INTS4: variants seen among roughly 807,000 people sequenced by gnomAD.
The protein encoded by INTS4 is MSTP093.
A neutral mutation model predicts 119.5 loss-of-function variants in INTS4; 70 were observed. That is an observed-to-expected ratio of 0.59 (90% CI 0.48 to 0.71). INTS4 has a LOEUF of 0.71. Among genes scored for constraint, INTS4 ranks in the 30% least tolerant of loss-of-function variants. The probability of loss-of-function intolerance (pLI) is 0.00; values close to 1 mark genes in which losing one functional copy is unlikely to be tolerated. For synonymous variants in INTS4, 316 were observed against 419.6 expected (o/e 0.75, Z 3.02); for missense variants, 867 against 1,173.2 (o/e 0.74, Z 3.81).
chr11:77,990,061 C>CA (rs1165815380), intron 2 of INTS4, among the ~76,000 whole-genome samples: 2 of 151,024 alleles, frequency 1.3e-5, no homozygotes, highest in South Asian at 2.1e-4. Flanking sequence ...ACTAAAAATA[C>CA]AAAAAAAATT....
chr11:77,972,121 A>T (rs1244333173), intron 4 of INTS4, among the ~76,000 whole-genome samples: 2 of 152,196 alleles, frequency 1.3e-5, no homozygotes, highest in African/African-American at 2.4e-5. Flanking sequence ...TGTTAGAGAC[A>T]GGGTCTTACT....
Position 77,895,784 on chromosome 11 carries a change from A to G in INTS4, c.2229-1435T>C, listed in dbSNP as rs1952491613. On this transcript the variant is annotated intron_variant, in intron 18 of 22. Coordinates refer to ENST00000534064, the MANE Select transcript of INTS4 (RefSeq NM_033547.4). ...AGAGACTCCAGGAAGTAAAATACAAAAAGATTTGGGAACTCTCCCCAAACG... is the reference window on the plus strand; with the variant it reads ...AGAGACTCCAGGAAGTAAAATACAAGAAGATTTGGGAACTCTCCCCAAACG... Among the ~76,000 whole-genome samples, 3 of 152,106 alleles carry G rather than the reference A, an allele frequency of 2.0e-5. No homozygotes were observed. In the South Asian group the frequency reaches 6.2e-4, roughly 32 times the overall value.
chr11:77,875,418 A>G (rs1017995478), downstream of INTS4, among the ~76,000 whole-genome samples: 2 of 152,232 alleles, frequency 1.3e-5, no homozygotes, highest in East Asian at 1.9e-4. Context: ...GTAGTTACCA[A>G]GGTTTTTTAA....
At chr11:77,966,858 T>A (rs1373998862) in intron 4 of INTS4, among the ~76,000 whole-genome samples, 21 of 152,216 alleles carry the variant, frequency 1.4e-4, no homozygotes, top group Non-Finnish European at 7.3e-5. Context: ...AATCTGCAGA[T>A]CATTTTGGGT....
At chr11:77,926,498 G>A (rs1953503370) in intron 11 of INTS4, among the ~76,000 whole-genome samples, 1 of 152,074 alleles carries the variant, frequency 6.6e-6, no homozygotes, top group Admixed American at 6.6e-5. Flanking sequence ...ACTGCTGCAA[G>A]ACATTGGTAA....
At chr11:77,973,243 T>C (rs2136622088) in intron 4 of INTS4, among the ~76,000 whole-genome samples, 1 of 152,382 alleles carries the variant, frequency 6.6e-6, no homozygotes, top group East Asian at 1.9e-4. Flanking sequence ...TTATATTTTG[T>C]ATGCTGATTT....
chr11:77,902,920 G>A (rs1010825041), intron 17 of INTS4, among the ~76,000 whole-genome samples: 8 of 152,116 alleles, frequency 5.3e-5, no homozygotes, highest in African/African-American at 1.9e-4. Context: ...AACTGAGTTG[G>A]GCTACATTTT....
intron 3 of INTS4, among the ~76,000 whole-genome samples, chr11:77,979,626 T>C (rs1264669428): frequency 4.0e-5 from 6 of 150,360 alleles, no homozygotes; most frequent in Admixed American, 1.3e-4. Flanking sequence ...CATAGTGTGC[T>C]CCAAAAATGT....
intron 7 of INTS4, among the ~76,000 whole-genome samples, chr11:77,957,660 C>CT (rs1344936261): frequency 1.3e-4 from 18 of 135,838 alleles, no homozygotes; most frequent in African/African-American, 4.2e-4. Flanking sequence ...TGTAACTGAA[C>CT]TTCTTTTTTT....
In INTS4 at chr11:77,960,279, G is replaced by C. The variant is rs369649458; in HGVS notation, c.708+62C>G. 33 of 1,201,926 alleles carry C rather than the reference G, an allele frequency of 2.7e-5. No individual in the cohort carries two copies. The African/African-American group carries it at 4.8e-4, about 18-fold the overall frequency. The allele number at this position is 1,201,926 out of a possible 1,614,324, so 74.5% of individuals were successfully genotyped here. ...ACGTTTTCAAATTCTGAGAACCTGT[G>C]TGCCGCCCTCCCAGCTTCATGATAC... On this transcript the variant is annotated intron_variant, in intron 6 of 22. Coordinates refer to ENST00000534064, the MANE Select transcript of INTS4 (RefSeq NM_033547.4).
chr11:77,881,796 G>C (rs1951802811), intron 22 of INTS4, among the ~76,000 whole-genome samples: 1 of 152,120 alleles, frequency 6.6e-6, no homozygotes, highest in African/African-American at 2.4e-5. Context: ...AATTAAATGT[G>C]AAAACACATC....
intron 19 of INTS4, among the ~76,000 whole-genome samples, chr11:77,893,996 C>T (rs1952398134): frequency 2.0e-5 from 3 of 151,788 alleles, no homozygotes; most frequent in South Asian, 2.1e-4. Flanking sequence ...CGTATTTACA[C>T]GTTTTCTTCA....
chr11:77,933,375 G>A (rs1179414122), intron 10 of INTS4, among the ~76,000 whole-genome samples: 4 of 130,754 alleles, frequency 3.1e-5, no homozygotes, highest in East Asian at 4.6e-4. Flanking sequence ...GGCGCGCGCC[G>A]CCACGTCTGA....
chr11:77,938,846 T>C, intron 9 of INTS4, 21 bp from the exon 10 acceptor site: 1 of 1,568,190 alleles, frequency 6.4e-7, no homozygotes, highest in Non-Finnish European at 8.7e-7. Context: ...CAACAACAAT[T>C]ACCAATTGTA....
chr11:77,932,715 T>C (rs1431681927), intron 10 of INTS4, among the ~76,000 whole-genome samples: 3 of 152,042 alleles, frequency 2.0e-5, no homozygotes, highest in Non-Finnish European at 4.4e-5. Context: ...CAAAGGCCCA[T>C]CAATGATAGA....
At chr11:77,908,395 C>G (rs188103433) in intron 15 of INTS4, among the ~76,000 whole-genome samples, 8 of 149,230 alleles carry the variant, frequency 5.4e-5, no homozygotes, top group Non-Finnish European at 4.4e-5. Flanking sequence ...GTGGCGTGAT[C>G]TCGACTCACT....
intron 4 of INTS4, among the ~76,000 whole-genome samples, chr11:77,962,087 A>G (rs1311368163): frequency 6.6e-6 from 1 of 152,156 alleles, no homozygotes; most frequent in African/African-American, 2.4e-5. Flanking sequence ...CCAAGGCAGG[A>G]GGATCACTTG....
chr11:77,879,574 T>C (rs1447889721), intron 22 of INTS4, among the ~76,000 whole-genome samples: 2 of 152,176 alleles, frequency 1.3e-5, no homozygotes, highest in African/African-American at 4.8e-5. Context: ...GAGGAAGCCT[T>C]TGAATAGGAA....
In INTS4 at chr11:77,963,588, A is replaced by T; in HGVS notation, c.472-2450T>A. The T allele has an allele frequency of 9.1e-6, 3 of 330,416 alleles. 1 individual carries two copies. Among genetic ancestry groups the T allele is most frequent in the South Asian group, 7.5e-5 (3 of 40,136 alleles). 20.5% of individuals were successfully genotyped at this position (330,416 alleles called of 1,614,324 possible). A position where few individuals can be genotyped will look rare whatever the true frequency, so the allele number is the denominator to read the frequency against. On this transcript the variant is annotated intron_variant, in intron 4 of 22. Coordinates refer to ENST00000534064, the MANE Select transcript of INTS4 (RefSeq NM_033547.4). ...AAAAATTAATTTACAATTTTGCTAT[A>T]TATTAAAAAAATAAATGGTTCTGTG...
Sources: gnomAD v4.1 joint callset for allele counts (sites outside exome capture counted in the v4.1 genomes callset) on GRCh38, gnomAD v4.1.1 for gene constraint, MANE v1.5 for transcripts, NCBI Gene and HGNC (gene_info 2026-07-23, HGNC 2026-07-21) for gene names.